AUTS2: variants seen among roughly 807,000 people sequenced by gnomAD.
The protein encoded by AUTS2 is autism susceptibility gene 2 protein.
AUTS2 carries 17 observed loss-of-function variants against 112.4 expected under a neutral mutation model. That is an observed-to-expected ratio of 0.15 (90% CI 0.10 to 0.23). The LOEUF is 0.23. AUTS2 is among the 10% of genes least tolerant of loss of function. The probability of loss-of-function intolerance (pLI) is 1.00; values close to 1 mark genes in which losing one functional copy is unlikely to be tolerated. For missense variants in AUTS2, 1,510 were observed against 1,701.6 expected (o/e 0.89, Z 1.98); for synonymous variants, 751 against 702.7 (o/e 1.07, Z -1.09).
At chr7:70,772,047 T>C (rs1790382657) in intron 11 of AUTS2, among the ~76,000 whole-genome samples, 1 of 152,228 alleles carries the variant, frequency 6.6e-6, no homozygotes, top group Non-Finnish European at 1.5e-5. Context: ...TTACTGATTT[T>C]AGTAGAAGTG....
chr7:70,396,461 C>T (rs1794089541), intron 4 of AUTS2, among the ~76,000 whole-genome samples: 1 of 151,866 alleles, frequency 6.6e-6, no homozygotes, highest in African/African-American at 2.4e-5. Flanking sequence ...ACTGCAACCT[C>T]TACCTCCCGG....
chr7:70,764,086 T>C (rs539573361), intron 7 of AUTS2, among the ~76,000 whole-genome samples: 100 of 152,284 alleles, frequency 6.6e-4, no homozygotes, highest in African/African-American at 2.3e-3. Context: ...GCACAGCTCC[T>C]GAGGCTGTGT....
intron 1 of AUTS2, among the ~76,000 whole-genome samples, chr7:69,799,842 C>T (rs1790005871): frequency 6.6e-6 from 1 of 152,046 alleles, no homozygotes; most frequent in Non-Finnish European, 1.5e-5. Flanking sequence ...GAGCTTTTCC[C>T]ATTTGTGTGT....
intron 5 of AUTS2, among the ~76,000 whole-genome samples, chr7:70,693,697 C>T (rs1053532012): frequency 7.2e-5 from 11 of 152,254 alleles, no homozygotes; most frequent in South Asian, 2.1e-4. Context: ...GCCCAGAGAG[C>T]CTGCTCTTTG....
At chr7:69,779,792 T>A (rs210592) in intron 1 of AUTS2, among the ~76,000 whole-genome samples, 56,874 of 149,312 alleles carry the variant, frequency 0.38, 10,965 homozygotes, top group African/African-American at 0.45. Context: ...TAAAAAAAAA[T>A]ATATATATGG....
intron 8 of AUTS2, 115 bp downstream of exon 8, chr7:70,765,120 CCTTA>C: frequency 7.2e-7 from 1 of 1,390,690 alleles, no homozygotes; most frequent in East Asian, 2.5e-5. Context: ...TTTTTTCCTT[CCTTA>C]CTGTGATCTT....
intron 4 of AUTS2, among the ~76,000 whole-genome samples, chr7:70,329,408 G>A: frequency 6.6e-6 from 1 of 151,924 alleles, no homozygotes; most frequent in East Asian, 1.9e-4. Flanking sequence ...ATATATGAGG[G>A]TTCCAGTGAC....
chr7:70,111,122 G>A (rs890457351), intron 2 of AUTS2, among the ~76,000 whole-genome samples: 22 of 151,262 alleles, frequency 1.5e-4, no homozygotes, highest in African/African-American at 4.9e-4. Flanking sequence ...CTCATGATCC[G>A]CCCGCCTCGG....
intron 6 of AUTS2, among the ~76,000 whole-genome samples, chr7:70,757,831 T>TTC (rs1554479262): frequency 6.8e-6 from 1 of 146,138 alleles, no homozygotes; most frequent in Non-Finnish European, 1.5e-5. Context: ...TTTTTTTTTT[T>TTC]TGGAAACAGG....
intron 4 of AUTS2, among the ~76,000 whole-genome samples, chr7:70,415,008 A>T (rs1329852846): frequency 6.6e-6 from 1 of 152,190 alleles, no homozygotes; most frequent in Non-Finnish European, 1.5e-5. Context: ...TCATTTTATG[A>T]CAGCATATTA....
At chr7:70,159,637 T>C (rs981382351) in intron 4 of AUTS2, among the ~76,000 whole-genome samples, 1 of 152,180 alleles carries the variant, frequency 6.6e-6, no homozygotes, top group Non-Finnish European at 1.5e-5. Flanking sequence ...CATGCAATGC[T>C]GGGGGTGTTT....
intron 2 of AUTS2, among the ~76,000 whole-genome samples, chr7:70,048,109 G>A (rs1012554057): frequency 9.9e-5 from 15 of 152,172 alleles, no homozygotes; most frequent in Non-Finnish European, 1.9e-4. Context: ...GCTTCTGGGG[G>A]ATTTCCAAAC....
At chr7:70,314,850 A>C (rs918656472) in intron 4 of AUTS2, among the ~76,000 whole-genome samples, 9 of 152,176 alleles carry the variant, frequency 5.9e-5, no homozygotes, top group Non-Finnish European at 1.3e-4. Flanking sequence ...TGGTTTTGTC[A>C]CATCAGTCAT....
chr7:69,859,359 A>G (rs189986139), intron 1 of AUTS2, among the ~76,000 whole-genome samples: 1 of 152,216 alleles, frequency 6.6e-6, no homozygotes, highest in East Asian at 1.9e-4. Flanking sequence ...CAACAAAAAA[A>G]TTGTTAACTA....
chr7:69,851,456 C>T (rs1052728578), intron 1 of AUTS2, among the ~76,000 whole-genome samples: 1 of 152,144 alleles, frequency 6.6e-6, no homozygotes, highest in Non-Finnish European at 1.5e-5. Context: ...CGCCATGTTG[C>T]TCAGGCTGGT....
At chr7:69,725,968 G>C (rs1298811307) in intron 1 of AUTS2, among the ~76,000 whole-genome samples, 2 of 149,334 alleles carry the variant, frequency 1.3e-5, no homozygotes, top group Non-Finnish European at 3.0e-5. Context: ...AGAAAAGTTA[G>C]ATTATTTTTT....
Position 70,464,469 on chromosome 7 carries a change from A to G in AUTS2, c.690+28688A>G, listed in dbSNP as rs78844822. On this transcript the variant is annotated intron_variant, in intron 5 of 18. Coordinates refer to ENST00000342771, the MANE Select transcript of AUTS2 (RefSeq NM_015570.4). Reference sequence around the variant, plus strand: ...GTTTTTTAATCTTTGCAACAACACAATAAAATAAGTACCATTTTTATCATC... The same window carrying G: ...GTTTTTTAATCTTTGCAACAACACAGTAAAATAAGTACCATTTTTATCATC... Among the ~76,000 whole-genome samples, 131 of 152,346 alleles carry G rather than the reference A, an allele frequency of 8.6e-4. 4 individuals carry two copies. The East Asian group carries it at 0.024, about 28-fold the overall frequency.
At chr7:70,241,940 G>T (rs1372479107) in intron 4 of AUTS2, among the ~76,000 whole-genome samples, 1 of 152,190 alleles carries the variant, frequency 6.6e-6, no homozygotes, top group African/African-American at 2.4e-5. Context: ...GCATTTGGCT[G>T]AAGTGGTAGG....
chr7:69,806,197 C>CTTTTTT (rs56704400), intron 1 of AUTS2, among the ~76,000 whole-genome samples: 11 of 55,024 alleles, frequency 2.0e-4, no homozygotes, highest in Non-Finnish European at 2.5e-4. Context: ...CCAGCCAAGG[C>CTTTTTT]TTTTTTTTTT....
Sources: gnomAD v4.1 joint callset for allele counts (sites outside exome capture counted in the v4.1 genomes callset) on GRCh38, gnomAD v4.1.1 for gene constraint, MANE v1.5 for transcripts, NCBI Gene and HGNC (gene_info 2026-07-23, HGNC 2026-07-21) for gene names.